Variants in ZBTB14 observed in about 807,000 individuals in gnomAD.
ZBTB14 encodes the protein zinc finger and BTB domain-containing protein 14.
A neutral mutation model predicts 29.5 loss-of-function variants in ZBTB14; 8 were observed. That is an observed-to-expected ratio of 0.27 (90% confidence interval 0.16 to 0.49). The LOEUF (loss-of-function observed/expected upper bound fraction) is 0.49. Ranked by LOEUF, ZBTB14 falls within the 20% of genes least tolerant of loss-of-function variation. ZBTB14 has a pLI of 0.99. For synonymous variants in ZBTB14, 226 were observed against 207.2 expected (o/e 1.09, Z -0.78); for missense variants, 333 against 563.8 (o/e 0.59, Z 4.15).
rs1485920819 is a variant in ZBTB14, at chr18:5,290,894, T to C, written c.1314A>G (p.Glu438=). ...CTATCGTCTCCAGCTGCTGTTCTGC[T>C]TCCGCAGCCATCGCTGCCGCCTGCA... ...EQLQAAAMAA[E]AEQQLETIAC... Residue 438 remains glutamate, a synonymous_variant, in exon 4 of 4, where the codon GAA becomes GAG. Coordinates refer to ENST00000651870, the MANE Select transcript of ZBTB14 (RefSeq NM_001243702.2). 3 of 1,614,278 alleles carry C rather than the reference T, an allele frequency of 1.9e-6. No individual in the cohort carries two copies. Among genetic ancestry groups the C allele is most frequent in the Non-Finnish European group, 2.5e-6 (3 of 1,180,034 alleles).
At chr18:5,296,824 G>T (rs1405046440), upstream of ZBTB14, among the ~76,000 whole-genome samples, 6 of 152,096 alleles carry the variant, frequency 3.9e-5, no homozygotes, top group African/African-American at 1.4e-4. Flanking sequence ...CCCGTCTGTG[G>T]CAGTCCAGAC....
chr18:5,289,613 G>T lies in ZBTB14; in HGVS notation c.*1245C>A, dbSNP rs941656716. 1 of 152,120 alleles carries T rather than the reference G, an allele frequency of 6.6e-6. No homozygotes were observed. The highest frequency in any genetic ancestry group is 1.5e-5 in the Non-Finnish European group (1 of 68,006). The allele number at this position is 152,120 out of a possible 1,614,324, so 9.4% of individuals were successfully genotyped here. On this transcript the variant is annotated 3_prime_UTR_variant, in exon 4 of 4. Transcript: ENST00000651870. Reference sequence around the variant, plus strand: ...TAATTCTCATTTACGGCTATGAAAAGGCAATCAACTTCTATTTAAAACTGT... The same window carrying T: ...TAATTCTCATTTACGGCTATGAAAATGCAATCAACTTCTATTTAAAACTGT...
At chr18:5,296,724 C>T (rs2071976561), upstream of ZBTB14, among the ~76,000 whole-genome samples, 1 of 152,020 alleles carries the variant, frequency 6.6e-6, no homozygotes, top group African/African-American at 2.4e-5. Context: ...CCCCAGTTGC[C>T]CAGCAGAAAG....
intron 1 of ZBTB14, among the ~76,000 whole-genome samples, chr18:5,295,084 AGGCTT>A (rs1260436298): frequency 3.3e-5 from 5 of 151,234 alleles, no homozygotes; most frequent in Non-Finnish European, 7.4e-5. Context: ...CGTCGAGCGC[AGGCTT>A]GGGACCGCGG....
chr18:5,295,759 C>G (rs1256697777), upstream of ZBTB14: 3 of 152,118 alleles, frequency 2.0e-5, no homozygotes, highest in Non-Finnish European at 4.4e-5. Context: ...CGGCCGCCCC[C>G]GCGCCCGCCT....
intron 3 of ZBTB14, among the ~76,000 whole-genome samples, 168 bp from the exon 4 acceptor site, chr18:5,292,372 T>C (rs886534591): frequency 2.0e-5 from 3 of 152,314 alleles, no homozygotes; most frequent in African/African-American, 7.2e-5. Context: ...AACTCAAGGA[T>C]CTCCATATTG....
Position 5,289,851 on chromosome 18 carries a change from A to T in ZBTB14, c.*1007T>A, listed in dbSNP as rs1256609597. Reference sequence around the variant, plus strand: ...TTTAAATTTATTAATTTAAGTAAGCATACTGCATCTCCTTTATGGATAAAT... The same window carrying T: ...TTTAAATTTATTAATTTAAGTAAGCTTACTGCATCTCCTTTATGGATAAAT... On this transcript the variant is annotated 3_prime_UTR_variant, in exon 4 of 4. Coordinates refer to ENST00000651870, the MANE Select transcript of ZBTB14 (RefSeq NM_001243702.2). The T allele has an allele frequency of 2.0e-5, 3 of 152,620 alleles. No individual in the cohort carries two copies. The highest frequency in any genetic ancestry group is 2.1e-4 in the South Asian group (1 of 4,830). The allele number at this position is 152,620 out of a possible 1,614,324, so 9.5% of individuals were successfully genotyped here. A position where few individuals can be genotyped will look rare whatever the true frequency, so the allele number is the denominator to read the frequency against.
In ZBTB14 at chr18:5,291,650, C is replaced by G. The variant is rs141599897; in HGVS notation, c.558G>C (p.Glu186Asp). 1.5e-4 allele frequency: 244 copies of G among 1,613,970 alleles called. No individual in the cohort carries two copies. The highest frequency in any genetic ancestry group is 1.8e-4 in the Non-Finnish European group (208 of 1,180,048). The stretch of plus-strand genomic sequence containing the variant: ...GCGTTGTGGTGGGCGACTTGCCGTC[C>G]TCCTGACTCGGGGGTGTGCCTTCTA... Reference protein sequence around the residue: ...DTVEGTPPSQEDGKSPTTTLR... With the variant: ...DTVEGTPPSQDDGKSPTTTLR... Residue 186 changes from glutamate to aspartate, a missense_variant, in exon 4 of 4, where the codon GAG becomes GAC. Transcript: ENST00000651870. This position sits in a 1 kb window ranked among gnomAD's most constrained non-coding sequence, Gnocchi z 5.8.
chr18:5,296,628 G>A (rs974249166), upstream of ZBTB14, among the ~76,000 whole-genome samples: 3 of 152,088 alleles, frequency 2.0e-5, no homozygotes, highest in Admixed American at 1.3e-4. Context: ...GGCACATTGA[G>A]TTTGTGGGGG....
Position 5,292,027 on chromosome 18 carries a change from A to C in ZBTB14, c.181T>G (p.Phe61Val). The C allele has an allele frequency of 2.5e-6, 4 of 1,613,336 alleles. No individual in the cohort carries two copies. Among genetic ancestry groups the C allele is most frequent in the Non-Finnish European group, 3.4e-6 (4 of 1,179,902 alleles). ...RCVLAACSTYFKKLFKKLEVD... is the reference protein window; with the variant it reads ...RCVLAACSTYVKKLFKKLEVD... The stretch of plus-strand genomic sequence containing the variant: ...TCAAGCTTCTTGAAAAGCTTTTTAA[A>C]GTAAGTGCTGCAGGCAGCAAGAACA... Residue 61 changes from phenylalanine to valine, a missense_variant, in exon 4 of 4, where the codon TTT (phenylalanine) becomes GTT (valine). Coordinates refer to ENST00000651870, the MANE Select transcript of ZBTB14 (RefSeq NM_001243702.2).
At chr18:5,294,778 T>C (rs566858222) in intron 1 of ZBTB14, 1 of 152,274 alleles carries the variant, frequency 6.6e-6, no homozygotes, top group Non-Finnish European at 1.5e-5. Flanking sequence ...GGAGCCGGGC[T>C]TCCCGCAAAG....
At chr18:5,293,174 T>C (rs769290232) in intron 3 of ZBTB14, 70 bp downstream of exon 3, 26 of 1,517,938 alleles carry the variant, frequency 1.7e-5, no homozygotes, top group East Asian at 2.3e-5. Flanking sequence ...ACAATCAGAA[T>C]TGGTATATAT....
chr18:5,290,765 T>C lies in ZBTB14; in HGVS notation c.*93A>G. On this transcript the variant is annotated 3_prime_UTR_variant, in exon 4 of 4. Coordinates refer to ENST00000651870, the MANE Select transcript of ZBTB14 (RefSeq NM_001243702.2). ...CCAGTGAGTACAATGTTCCATACGT[T>C]TCCACAAAAATATTGTAACTGGCAT... 1 of 1,528,298 alleles carries C rather than the reference T, an allele frequency of 6.5e-7. No individual in the cohort carries two copies. Among genetic ancestry groups the C allele is most frequent in the Non-Finnish European group, 8.8e-7 (1 of 1,138,020 alleles). 94.7% of individuals were successfully genotyped at this position (1,528,298 alleles called of 1,614,324 possible). A position where few individuals can be genotyped will look rare whatever the true frequency, so the allele number is the denominator to read the frequency against.
At position 5,295,464 on chromosome 18, in the gene ZBTB14, C is replaced by A. The variant is rs1356781936; in HGVS notation, c.-112+188G>T. ...CCGCGCTGGGTTCGGGCCGTCCCCA[C>A]CCCCACCGCGGTGCACTGCGGCGGT... On this transcript the variant is annotated intron_variant, in intron 1 of 3. Coordinates refer to ENST00000651870, the MANE Select transcript of ZBTB14 (RefSeq NM_001243702.2). 4.8e-5 allele frequency among the ~76,000 whole-genome samples: 7 copies of A among 145,184 alleles called. No individual in the cohort carries two copies. The East Asian group carries it at 1.2e-3, about 25-fold the overall frequency.
chr18:5,295,032 G>C (rs2071914732), intron 1 of ZBTB14, among the ~76,000 whole-genome samples: 1 of 152,002 alleles, frequency 6.6e-6, no homozygotes, highest in African/African-American at 2.4e-5. Context: ...CCCAGCCTGG[G>C]AGCCAGGTGG....
intron 3 of ZBTB14, 145 bp from the exon 4 acceptor site, chr18:5,292,349 A>G: frequency 1.5e-6 from 1 of 679,878 alleles, no homozygotes; most frequent in Admixed American, 3.6e-5. Flanking sequence ...TATGGGTAGA[A>G]AAGACTGATC....
Position 5,290,966 on chromosome 18 carries a change from T to C in ZBTB14, c.1242A>G (p.Glu414=). 1 of 1,614,276 alleles carries C rather than the reference T, an allele frequency of 6.2e-7. No individual in the cohort carries two copies. The highest frequency in any genetic ancestry group is 8.5e-7 in the Non-Finnish European group (1 of 1,180,036). ...LKRHENNMHS[E]RKQVTPSAIQ... ...TGGCACTGGGGGTAACCTGCTTCCT[T>C]TCACTGTGCATATTGTTCTCGTGCC... is the stretch of plus-strand genomic sequence containing the variant. The change falls in exon 4 of 4, where the codon GAA becomes GAG. Residue 414 remains glutamate, a synonymous_variant. Coordinates refer to ENST00000651870, the MANE Select transcript of ZBTB14 (RefSeq NM_001243702.2).
rs1022259569 is a variant in ZBTB14, at chr18:5,291,391, G to T, written c.817C>A (p.His273Asn). 1.9e-6 allele frequency: 3 copies of T among 1,614,076 alleles called. No individual in the cohort carries two copies. The African/African-American group carries it at 4.0e-5, about 22-fold the overall frequency. ...GCCTGGCAGGCAATCTGCTCCCGAT[G>T]GTGACCATAAAGCAAATACTCAAAC... ...MKFEYLLYGH[H>N]REQIACQACG... is the part of the protein sequence containing the mutation. The change falls in exon 4 of 4, where the codon CAT becomes AAT. Residue 273 changes from histidine (H) to asparagine (N), a missense_variant. Transcript: ENST00000651870. This position sits in a 1 kb window ranked among gnomAD's most constrained non-coding sequence, Gnocchi z 5.8.
chr18:5,294,572 C>A (rs1394151443), intron 1 of ZBTB14, among the ~76,000 whole-genome samples: 1 of 152,134 alleles, frequency 6.6e-6, no homozygotes, highest in Non-Finnish European at 1.5e-5. Flanking sequence ...GCCGCCTCCT[C>A]CCCGCCCCGC....
Sources: allele counts gnomAD v4.1 joint callset (sites outside exome capture counted in the v4.1 genomes callset), GRCh38; gene constraint gnomAD v4.1.1; non-coding constraint Gnocchi (gnomAD v3.1); transcripts MANE v1.5; gene names NCBI Gene and HGNC (gene_info 2026-07-23, HGNC 2026-07-21).